WWOX: variants seen among roughly 807,000 people sequenced by gnomAD.
WWOX encodes the protein WW domain containing oxidoreductase.
A neutral mutation model predicts 46.2 loss-of-function variants in WWOX; 69 were observed. That is an observed-to-expected ratio of 1.49 (90% CI 1.23 to 1.82). WWOX has a LOEUF of 1.82. WWOX is among the 40% of genes most tolerant of loss of function. WWOX has a pLI of 0.00. For synonymous variants in WWOX, 359 were observed against 202.6 expected, an observed-to-expected ratio of 1.77 and a Z score of -6.56; for missense variants, 919 against 542.6, an observed-to-expected ratio of 1.69 and a Z score of -6.89.
chr16:78,831,004 C>T (rs1420027163), intron 8 of WWOX, among the ~76,000 whole-genome samples: 10 of 152,166 alleles, frequency 6.6e-5, no homozygotes, highest in Admixed American at 4.6e-4. Flanking sequence ...AATGATGCAG[C>T]AGTAATCACA....
intron 4 of WWOX, among the ~76,000 whole-genome samples, chr16:78,122,014 T>C (rs375487970): frequency 3.9e-5 from 6 of 152,124 alleles, no homozygotes; most frequent in African/African-American, 1.4e-4. Flanking sequence ...CATCTGAAAA[T>C]ACTAATTTTG....
At chr16:78,356,269 A>G (rs2081288687) in intron 5 of WWOX, among the ~76,000 whole-genome samples, 9 of 152,176 alleles carry the variant, frequency 5.9e-5, no homozygotes, top group Admixed American at 5.2e-4. Context: ...ATATACATAT[A>G]TATCACATTT....
chr16:78,231,632 C>T (rs2037265683), intron 5 of WWOX, among the ~76,000 whole-genome samples: 1 of 152,156 alleles, frequency 6.6e-6, no homozygotes, highest in Non-Finnish European at 1.5e-5. Context: ...AGTAGCTCGA[C>T]TTTTGCATCA....
At chr16:78,131,003 G>A (rs928524624) in intron 4 of WWOX, among the ~76,000 whole-genome samples, 6 of 152,294 alleles carry the variant, frequency 3.9e-5, no homozygotes, top group African/African-American at 1.4e-4. Context: ...CTGCAAACTT[G>A]TATAGCATGG....
At chr16:79,162,528 G>C (rs2050506995) in intron 8 of WWOX, among the ~76,000 whole-genome samples, 1 of 152,164 alleles carries the variant, frequency 6.6e-6, no homozygotes, top group Non-Finnish European at 1.5e-5. Flanking sequence ...GTCATGGAAG[G>C]CCTCAGTTAC....
chr16:78,880,998 T>TC (rs1259498213), intron 8 of WWOX, among the ~76,000 whole-genome samples: 1 of 148,910 alleles, frequency 6.7e-6, no homozygotes, highest in African/African-American at 2.5e-5. Context: ...TTTTCTTTTT[T>TC]TTTTTTTTTT....
chr16:78,552,843 C>G (rs1253564159), intron 8 of WWOX: 1 of 152,170 alleles, frequency 6.6e-6, no homozygotes, highest in East Asian at 1.9e-4. Context: ...TATGGTAAGG[C>G]CAAGATGAGG....
chr16:78,977,356 C>G (rs2046593042), intron 8 of WWOX, among the ~76,000 whole-genome samples: 1 of 152,156 alleles, frequency 6.6e-6, no homozygotes, highest in African/African-American at 2.4e-5. Context: ...CCTCCAGATC[C>G]TGTTCATTTG....
chr16:78,947,777 G>A (rs1158050943), intron 8 of WWOX, among the ~76,000 whole-genome samples: 1 of 152,092 alleles, frequency 6.6e-6, no homozygotes, highest in East Asian at 1.9e-4. Context: ...TGCCTCCAGG[G>A]GCTAAATTGG....
chr16:79,144,991 G>C (rs1484418876), intron 8 of WWOX, among the ~76,000 whole-genome samples: 1 of 152,114 alleles, frequency 6.6e-6, no homozygotes, highest in Non-Finnish European at 1.5e-5. Context: ...ATCTACTGGG[G>C]GTCTTGGAGT....
chr16:78,341,481 C>T lies in WWOX; in HGVS notation c.517-45379C>T, dbSNP rs952430831. Among the ~76,000 whole-genome samples, 10 of 120,020 alleles carry T rather than the reference C, an allele frequency of 8.3e-5. 2 individuals carry two copies. The highest frequency in any genetic ancestry group is 3.9e-4 in the East Asian group (2 of 5,176). 78.7% of individuals were successfully genotyped at this position (120,020 alleles called of 152,430 possible). On this transcript the variant is annotated intron_variant, in intron 5 of 8. Coordinates refer to ENST00000566780, the MANE Select transcript of WWOX (RefSeq NM_016373.4). ...CTCATTCTTTTAAGCTTGTCTTAGA[C>T]GTGAGTATTATGTTTTATTTTGCTG...
At position 78,406,102 on chromosome 16, in the gene WWOX, C is replaced by G. The variant is rs77274353; in HGVS notation, c.606-18768C>G. 3.3e-3 allele frequency among the ~76,000 whole-genome samples: 505 copies of G among 151,658 alleles called. 16 individuals carry two copies. In the East Asian group the frequency reaches 0.074, roughly 22 times the overall value. On this transcript the variant is annotated intron_variant, in intron 6 of 8. Transcript: ENST00000566780. ...ATGTTTGTTCTTTTTAAAAGATGCC[C>G]TTCGTATTGTGTATCTTGCAGTCTT...
chr16:78,855,409 A>G lies in WWOX; in HGVS notation c.1057-356199A>G, dbSNP rs1200194805. On this transcript the variant is annotated intron_variant, in intron 8 of 8. Coordinates refer to ENST00000566780, the MANE Select transcript of WWOX (RefSeq NM_016373.4). Reference sequence around the variant, plus strand: ...GAGGAAAAAAAAACACTTTTGTTTGAAGACAAATGCAGTGAGTTTAATCAC... The same window carrying G: ...GAGGAAAAAAAAACACTTTTGTTTGGAGACAAATGCAGTGAGTTTAATCAC... 3.3e-5 allele frequency among the ~76,000 whole-genome samples: 5 copies of G among 152,296 alleles called. No individual in the cohort carries two copies. In the East Asian group the frequency reaches 9.7e-4, roughly 29 times the overall value.
intron 8 of WWOX, among the ~76,000 whole-genome samples, chr16:78,704,179 C>G (rs2048284829): frequency 6.6e-6 from 1 of 151,626 alleles, no homozygotes. Context: ...CCTGTGGCAA[C>G]TATGTAACCT....
chr16:78,862,837 G>A (rs541070449), intron 8 of WWOX, among the ~76,000 whole-genome samples: 26 of 151,974 alleles, frequency 1.7e-4, no homozygotes, highest in Non-Finnish European at 2.6e-4. Flanking sequence ...TAATCGAAAC[G>A]TTAATGTCCT....
chr16:78,834,799 A>G (rs2051931291), intron 8 of WWOX, among the ~76,000 whole-genome samples: 1 of 152,226 alleles, frequency 6.6e-6, no homozygotes, highest in South Asian at 2.1e-4. Flanking sequence ...TAGTTTACCC[A>G]GAACCAAAAA....
At chr16:78,514,444 A>T (rs552251078) in intron 8 of WWOX, among the ~76,000 whole-genome samples, 2 of 152,164 alleles carry the variant, frequency 1.3e-5, no homozygotes, top group Non-Finnish European at 2.9e-5. Context: ...TACATTTTCC[A>T]TGTGTGGAGG....
At chr16:78,707,352 A>T (rs1010655207) in intron 8 of WWOX, among the ~76,000 whole-genome samples, 1 of 152,172 alleles carries the variant, frequency 6.6e-6, no homozygotes, top group African/African-American at 2.4e-5. Context: ...GAAGTGTGCA[A>T]GGTATAAGAC....
At chr16:78,210,389 G>C (rs2036522625) in intron 5 of WWOX, among the ~76,000 whole-genome samples, 1 of 152,178 alleles carries the variant, frequency 6.6e-6, no homozygotes, top group Non-Finnish European at 1.5e-5. Context: ...AATGCAAACA[G>C]GCTAATGACA....
Sources: gnomAD v4.1 joint callset for allele counts (sites outside exome capture counted in the v4.1 genomes callset) on GRCh38, gnomAD v4.1.1 for gene constraint, MANE v1.5 for transcripts, NCBI Gene and HGNC (gene_info 2026-07-23, HGNC 2026-07-21) for gene names.